The following SIL1 variants were observed in gnomAD, a reference collection of about 807,000 sequenced individuals.
SIL1 encodes nucleotide exchange factor SIL1.
In SIL1, 40 loss-of-function variants were observed where a neutral mutation model predicts 49.1. The ratio of observed to expected loss-of-function variants is 0.81; its 90% confidence interval spans 0.63 to 1.06. The LOEUF (loss-of-function observed/expected upper bound fraction) is 1.06. Among genes scored for constraint, SIL1 ranks in the 50% least tolerant of loss-of-function variants. SIL1 has a pLI of 0.00. For synonymous variants in SIL1, 253 were observed against 250.8 expected, an observed-to-expected ratio of 1.01 and a Z score of -0.08; for missense variants, 500 against 572.6, an observed-to-expected ratio of 0.87 and a Z score of 1.29.
At chr5:138,994,859 C>T (rs1358179581) in intron 7 of SIL1, among the ~76,000 whole-genome samples, 2 of 152,148 alleles carry the variant, frequency 1.3e-5, no homozygotes, top group Non-Finnish European at 2.9e-5. Context: ...ACCTCTTGCC[C>T]CCCAGCCAAC....
Position 139,005,358 on chromosome 5 carries a change from CTTAT to C in SIL1, c.767+15809_767+15812del, listed in dbSNP as rs1253676438. On this transcript the variant is annotated intron_variant, in intron 7 of 9. Transcript: ENST00000394817. ...TTTTTGCCCATACTTTTGATAAAAT[CTTAT>C]TTAAGCGTATTATTTTATATTCTGT... 1.1e-3 allele frequency among the ~76,000 whole-genome samples: 161 copies of C among 151,472 alleles called. 1 individual carries two copies. The highest frequency in any genetic ancestry group is 3.7e-3 in the African/African-American group (154 of 41,356).
chr5:139,014,186 G>A (rs1308888596), intron 7 of SIL1: 1 of 151,924 alleles, frequency 6.6e-6, no homozygotes, highest in East Asian at 1.9e-4. Context: ...TGACCAACAT[G>A]GAGAAACCCC....
intron 1 of SIL1, among the ~76,000 whole-genome samples, chr5:139,144,451 G>A (rs529400199): frequency 2.6e-5 from 4 of 152,280 alleles, no homozygotes; most frequent in Admixed American, 2.6e-4. Flanking sequence ...AATGATGTAA[G>A]GATAAACATA....
chr5:139,188,643 C>T (rs570410381), intron 1 of SIL1, among the ~76,000 whole-genome samples: 2 of 152,264 alleles, frequency 1.3e-5, no homozygotes, highest in East Asian at 3.9e-4. Context: ...ACTGTGCCTC[C>T]GTGACTTTGC....
intron 7 of SIL1, among the ~76,000 whole-genome samples, chr5:138,996,720 A>G (rs1468390397): frequency 2.0e-5 from 3 of 151,690 alleles, no homozygotes; most frequent in African/African-American, 7.3e-5. Context: ...GGGTTTCACC[A>G]TGTTGGCCAG....
intron 1 of SIL1, among the ~76,000 whole-genome samples, chr5:139,150,819 C>T (rs1369192022): frequency 6.6e-6 from 1 of 152,138 alleles, no homozygotes; most frequent in Non-Finnish European, 1.5e-5. Context: ...CTTTGGGAGC[C>T]TAGCCCAAAG....
intron 7 of SIL1, 24 bp downstream of exon 7, chr5:139,021,147 T>C (rs747071781): frequency 8.7e-6 from 14 of 1,614,090 alleles, no homozygotes; most frequent in Non-Finnish European, 1.2e-5. Context: ...TTCTGGCCAT[T>C]GGGACGTCCA....
chr5:138,952,100 C>T (rs1043989119), intron 7 of SIL1, among the ~76,000 whole-genome samples: 1 of 152,234 alleles, frequency 6.6e-6, no homozygotes, highest in Non-Finnish European at 1.5e-5. Context: ...GCTGAGTGCT[C>T]CCATGCCAGC....
At chr5:139,121,357 GC>G (rs1750632689) in intron 2 of SIL1, among the ~76,000 whole-genome samples, 184 bp from the exon 3 acceptor site, 1 of 152,134 alleles carries the variant, frequency 6.6e-6, no homozygotes, top group Admixed American at 6.5e-5. Context: ...AGGTGATATG[GC>G]TAAATGAATG....
intron 7 of SIL1, among the ~76,000 whole-genome samples, chr5:138,993,035 T>C (rs1767790364): frequency 6.6e-6 from 1 of 152,214 alleles, no homozygotes; most frequent in African/African-American, 2.4e-5. Flanking sequence ...TCTTCCACAG[T>C]AGCAGAATTT....
At chr5:139,122,342 C>A (rs1291871686) in intron 2 of SIL1, among the ~76,000 whole-genome samples, 1 of 152,132 alleles carries the variant, frequency 6.6e-6, no homozygotes, top group Non-Finnish European at 1.5e-5. Flanking sequence ...CCTATAATCC[C>A]AGCACTTTGA....
At chr5:138,988,213 T>C (rs895685353) in intron 7 of SIL1, among the ~76,000 whole-genome samples, 3 of 152,218 alleles carry the variant, frequency 2.0e-5, no homozygotes, top group African/African-American at 4.8e-5. Context: ...CTGGTGGCCA[T>C]TGTACGCCTA....
Position 139,051,163 on chromosome 5 carries a change from G to C in SIL1, c.245-117C>G, listed in dbSNP as rs371849607. 76 of 859,652 alleles carry C rather than the reference G, an allele frequency of 8.8e-5. No homozygotes were observed. The East Asian group carries it at 1.1e-3, about 13-fold the overall frequency. The allele number at this position is 859,652 out of a possible 1,614,324, so 53.3% of individuals were successfully genotyped here. A position where few individuals can be genotyped will look rare whatever the true frequency, so the allele number is the denominator to read the frequency against. On this transcript the variant is annotated intron_variant, in intron 3 of 9. Coordinates refer to ENST00000394817, the MANE Select transcript of SIL1 (RefSeq NM_022464.5). ...TGAAGACACGACTCAGCTGTGTTCA[G>C]TTACCTCCTCAATCCACCCATCCCT...
chr5:139,155,828 G>T (rs1462052482), intron 1 of SIL1, among the ~76,000 whole-genome samples: 1 of 143,420 alleles, frequency 7.0e-6, no homozygotes, highest in Non-Finnish European at 1.6e-5. Flanking sequence ...AACTGTCCCA[G>T]GTCAAATAAA....
chr5:139,067,087 T>C (rs1288985756), intron 3 of SIL1, among the ~76,000 whole-genome samples: 1 of 152,188 alleles, frequency 6.6e-6, no homozygotes, highest in East Asian at 1.9e-4. Flanking sequence ...GTGTATATGT[T>C]CTAAAACAAA....
At chr5:139,095,929 G>C (rs141812959) in intron 3 of SIL1, among the ~76,000 whole-genome samples, 1 of 152,148 alleles carries the variant, frequency 6.6e-6, no homozygotes, top group East Asian at 1.9e-4. Context: ...TGTCCCTCCT[G>C]CAAGGACACC....
chr5:138,958,493 T>G (rs1561804914), intron 7 of SIL1, among the ~76,000 whole-genome samples: 2 of 152,206 alleles, frequency 1.3e-5, no homozygotes, highest in Non-Finnish European at 2.9e-5. Context: ...GACAGCCTAT[T>G]CCTCATCAAA....
chr5:139,183,402 C>T (rs1438933577), intron 1 of SIL1, among the ~76,000 whole-genome samples: 3 of 152,216 alleles, frequency 2.0e-5, no homozygotes, highest in African/African-American at 7.2e-5. Flanking sequence ...CATGGTGCTC[C>T]TGCCTCCCCG....
At chr5:139,080,553 A>G (rs987590334) in intron 3 of SIL1, among the ~76,000 whole-genome samples, 45 of 152,138 alleles carry the variant, frequency 3.0e-4, no homozygotes, top group Admixed American at 1.2e-3. Flanking sequence ...TAAAAGACAA[A>G]CTCATACAAC....
Sources: gnomAD v4.1 joint callset for allele counts (sites outside exome capture counted in the v4.1 genomes callset) on GRCh38, gnomAD v4.1.1 for gene constraint, MANE v1.5 for transcripts, NCBI Gene and HGNC (gene_info 2026-07-23, HGNC 2026-07-21) for gene names.